Variants in PLCB3 observed in about 807,000 individuals in gnomAD.
PLCB3 encodes phospholipase C beta 3, also known as 1-phosphatidylinositol 4,5-bisphosphate phosphodiesterase beta-3.
In PLCB3, 54 loss-of-function variants were observed where a neutral mutation model predicts 152.1. The observed-to-expected ratio is 0.36, with a 90% CI of 0.29 to 0.45. The LOEUF (loss-of-function observed/expected upper bound fraction) is 0.45. Among genes scored for constraint, PLCB3 ranks in the 20% least tolerant of loss-of-function variants. The pLI, the probability that PLCB3 is intolerant of heterozygous loss-of-function variation, is 1.00. For missense variants in PLCB3, 1,248 were observed against 1,687.5 expected (o/e 0.74, Z 4.56); for synonymous variants, 717 against 698.7 (o/e 1.03, Z -0.41).
rs752898556 is a variant in PLCB3 at position 64,264,946 on chromosome 11, T to C, written c.2653-5T>C. On this transcript the variant is annotated splice_polypyrimidine_tract_variant and splice_region_variant and intron_variant, in intron 22 of 30. Transcript: ENST00000279230. Reference sequence around the variant, plus strand: ...TGAAAAGAGCATTCTCCTTTCTCCCTATAGGCTCAGGCTGGCCAAGAGACG... The same window carrying C: ...TGAAAAGAGCATTCTCCTTTCTCCCCATAGGCTCAGGCTGGCCAAGAGACG... 1 of 1,613,106 alleles carries C rather than the reference T, an allele frequency of 6.2e-7. No homozygotes were observed. The highest frequency in any genetic ancestry group is 2.2e-5 in the East Asian group (1 of 44,876).
In PLCB3 at chr11:64,254,974, C is replaced by A; in HGVS notation, c.323C>A (p.Ser108Tyr). 1 of 1,596,906 alleles carries A rather than the reference C, an allele frequency of 6.3e-7. No homozygotes were observed. The highest frequency in any genetic ancestry group is 1.7e-5 in the Admixed American group (1 of 58,812). Residue 108 changes from serine (S) to tyrosine (Y), a missense_variant, in exon 4 of 31, where the codon TCT (serine) becomes TAT (tyrosine). Ser to Tyr is a moderately radical substitution (Grantham distance 144, BLOSUM62 -2). Around this residue, in one of 6 missense-constraint regions of PLCB3, gnomAD observed 299 missense variants for 434.7 expected, o/e 0.69. Transcript: ENST00000279230. ...GAGGAGAAGCTGATGACGGTGGTGTCTGGGCCAGACCCAGTGAACACAGTG... is the reference window on the plus strand; with the variant it reads ...GAGGAGAAGCTGATGACGGTGGTGTATGGGCCAGACCCAGTGAACACAGTG... ...RLEEKLMTVV[S>Y]GPDPVNTVFL...
intron 25 of PLCB3, 128 bp downstream of exon 25, chr11:64,265,630 T>C: frequency 3.5e-6 from 5 of 1,415,982 alleles, no homozygotes; most frequent in South Asian, 1.5e-5. Flanking sequence ...AGTGCAAGGA[T>C]GGAGGAGGCT....
chr11:64,262,626 C>A, intron 18 of PLCB3, 21 bp from the exon 19 acceptor site: 1 of 1,613,116 alleles, frequency 6.2e-7, no homozygotes, highest in Non-Finnish European at 8.5e-7. Flanking sequence ...ATCCGCCTCA[C>A]CCTCCTTGGC....
chr11:64,259,300 T>A, intron 13 of PLCB3, 56 bp downstream of exon 13: 1 of 1,344,570 alleles, frequency 7.4e-7, no homozygotes, highest in Non-Finnish European at 9.9e-7. Flanking sequence ...GGCCTCATGC[T>A]CCAGGCGCCG....
intron 25 of PLCB3, 63 bp downstream of exon 25, chr11:64,265,565 G>C (rs550651814): frequency 6.6e-7 from 1 of 1,513,738 alleles, no homozygotes; most frequent in South Asian, 1.2e-5. Flanking sequence ...CATGGGGGTC[G>C]GTGGGCATGG....
Position 64,267,723 on chromosome 11 carries a change from C to T in PLCB3, c.*167C>T, listed in dbSNP as rs2032200271. 63 of 616,326 alleles carry T rather than the reference C, an allele frequency of 1.0e-4. No individual in the cohort carries two copies. In the South Asian group the frequency reaches 1.2e-3, roughly 12 times the overall value. 38.2% of individuals were successfully genotyped at this position (616,326 alleles called of 1,614,324 possible). ...TAACTCCCTTCATCCTCCTGGGGCCCCTCCTTCCTGCCCTCAGTCTTAGGT... is the reference window on the plus strand; with the variant it reads ...TAACTCCCTTCATCCTCCTGGGGCCTCTCCTTCCTGCCCTCAGTCTTAGGT... On this transcript the variant is annotated 3_prime_UTR_variant, in exon 31 of 31. Coordinates refer to ENST00000279230, the MANE Select transcript of PLCB3 (RefSeq NM_000932.5). The surrounding 1 kb of genome is among the most constrained non-coding windows in gnomAD (Gnocchi z 5.2).
rs773026851 is a variant in PLCB3, at chr11:64,255,382, A to AT, written c.468-13dup. 2 of 1,614,092 alleles carry AT rather than the reference A, an allele frequency of 1.2e-6. No individual in the cohort carries two copies. The highest frequency in any genetic ancestry group is 1.3e-5 in the African/African-American group (1 of 75,052). On this transcript the variant is annotated splice_polypyrimidine_tract_variant and intron_variant, in intron 5 of 30. Coordinates refer to ENST00000279230, the MANE Select transcript of PLCB3 (RefSeq NM_000932.5). This position sits in a 1 kb window ranked among gnomAD's most constrained non-coding sequence, Gnocchi z 6.8. ...GCCGTTTTCAGGGTGTGACCTCTTC[A>AT]TCTGCCTTCCCAGATACACGAAGCT...
Position 64,255,631 on chromosome 11 carries a change from G to GGGGGGGA in PLCB3, c.597+15_597+16insGGGGGGA. On this transcript the variant is annotated intron_variant, in intron 7 of 30. Coordinates refer to ENST00000279230, the MANE Select transcript of PLCB3 (RefSeq NM_000932.5). This position sits in a 1 kb window ranked among gnomAD's most constrained non-coding sequence, Gnocchi z 6.8. ...AATTCAACCGGGTGTGTGGGGTGGG[G>GGGGGGGA]ACAGGGGCGGGGTGGGGTGTCACGG... The GGGGGGGA allele has an allele frequency of 1.7e-6, 1 of 604,058 alleles. No homozygotes were observed. Among genetic ancestry groups the GGGGGGGA allele is most frequent in the South Asian group, 1.4e-5 (1 of 72,232 alleles). 37.4% of individuals were successfully genotyped at this position (604,058 alleles called of 1,614,324 possible). A position where few individuals can be genotyped will look rare whatever the true frequency, so the allele number is the denominator to read the frequency against.
At chr11:64,268,900 C>G (rs2032281228), downstream of PLCB3, 2 of 152,372 alleles carry the variant, frequency 1.3e-5, no homozygotes, top group African/African-American at 4.8e-5. Flanking sequence ...GAAACAGGCT[C>G]CGGAGTAGGG....
At position 64,261,911 on chromosome 11, in the gene PLCB3, T is replaced by G. The variant is rs780008961; in HGVS notation, c.1914-41T>G. On this transcript the variant is annotated intron_variant, in intron 16 of 30. Transcript: ENST00000279230. ...AGGCCGGAGGTGGAGGCTGATGGGGTGGGCCCTGGCACCTGTGTGGCCCCT... is the reference window on the plus strand; with the variant it reads ...AGGCCGGAGGTGGAGGCTGATGGGGGGGGCCCTGGCACCTGTGTGGCCCCT... The G allele has an allele frequency of 1.2e-5, 19 of 1,611,736 alleles. No homozygotes were observed. In the Admixed American group the frequency reaches 3.2e-4, roughly 27 times the overall value.
At chr11:64,262,925 G>T in intron 19 of PLCB3, 117 bp downstream of exon 19, 1 of 1,104,476 alleles carries the variant, frequency 9.1e-7, no homozygotes. Context: ...TCAGAAAGTG[G>T]GGGGTGCCAT....
rs1228074362 is a variant in PLCB3, at chr11:64,267,464, G to A, written c.3613G>A (p.Val1205Met). Residue 1205 changes from valine (V) to methionine (M), a missense_variant, in exon 31 of 31, where the codon GTG becomes ATG. Val to Met is a conservative substitution (Grantham distance 21). Around this residue, in one of 6 missense-constraint regions of PLCB3, gnomAD observed 477 missense variants for 489.6 expected, o/e 0.97. Coordinates refer to ENST00000279230, the MANE Select transcript of PLCB3 (RefSeq NM_000932.5). This position sits in a 1 kb window ranked among gnomAD's most constrained non-coding sequence, Gnocchi z 5.2. ...GGAGGGGCTGGGGGACGGGCCTCTG[G>A]TGGCCTGTGCCAGCAACGGTCACGC... Reference protein sequence around the residue: ...MPEGLGDGPLVACASNGHAPG... With the variant: ...MPEGLGDGPLMACASNGHAPG... The A allele has an allele frequency of 1.9e-6, 3 of 1,560,718 alleles. No individual in the cohort carries two copies. The highest frequency in any genetic ancestry group is 1.9e-5 in the Admixed American group (1 of 53,266).
Position 64,262,403 on chromosome 11 carries a change from C to G in PLCB3, c.2039-4C>G. 1 of 1,611,050 alleles carries G rather than the reference C, an allele frequency of 6.2e-7. No individual in the cohort carries two copies. Among genetic ancestry groups the G allele is most frequent in the South Asian group, 1.1e-5 (1 of 91,058 alleles). ...CCCTGCTCGACGTGCCCGTGGCACCCCAGATGTGGCGATGCAGCTCAACGC... is the reference window on the plus strand; with the variant it reads ...CCCTGCTCGACGTGCCCGTGGCACCGCAGATGTGGCGATGCAGCTCAACGC... On this transcript the variant is annotated splice_polypyrimidine_tract_variant and splice_region_variant and intron_variant, in intron 17 of 30. Coordinates refer to ENST00000279230, the MANE Select transcript of PLCB3 (RefSeq NM_000932.5).
chr11:64,266,302 C>T lies in PLCB3; in HGVS notation c.3267-13C>T. On this transcript the variant is annotated splice_polypyrimidine_tract_variant and intron_variant, in intron 27 of 30. Transcript: ENST00000279230. The surrounding 1 kb of genome is among the most constrained non-coding windows in gnomAD (Gnocchi z 4.9). ...GCCGCTGACCCCTCCTCTTCCCCTG[C>T]CGGCTTCTCCAGGGAGAAGAAGGAG... 6.2e-7 allele frequency: 1 copy of T among 1,613,438 alleles called. No homozygotes were observed. The highest frequency in any genetic ancestry group is 8.5e-7 in the Non-Finnish European group (1 of 1,179,882).
In PLCB3 at chr11:64,262,027, C is replaced by T. The variant is rs148254002; in HGVS notation, c.1989C>T (p.Leu663=). The change falls in exon 17 of 31, where the codon CTC becomes CTT. Residue 663 remains leucine, a synonymous_variant. Transcript: ENST00000279230. ...ACTCCTCCAACTACATGCCCCAGCT[C>T]TTCTGGAACGTAGGGTGCCAGCTTG... ...RVDSSNYMPQ[L]FWNVGCQLVA... 33 of 1,614,214 alleles carry T rather than the reference C, an allele frequency of 2.0e-5. No homozygotes were observed. In the African/African-American group the frequency reaches 4.0e-4, roughly 20 times the overall value.
At chr11:64,256,978 C>T (rs950119875) in intron 10 of PLCB3, among the ~76,000 whole-genome samples, 4 of 138,008 alleles carry the variant, frequency 2.9e-5, no homozygotes, top group African/African-American at 1.1e-4. Context: ...GGGCCTGCAG[C>T]AGGAGAGACT....
chr11:64,267,446 C>T lies in PLCB3; in HGVS notation c.3595C>T (p.Leu1199=), dbSNP rs372053350. ...RSLLGEMPEG[L]GDGPLVACAS... Reference sequence around the variant, plus strand: ...CCTGCTGGGCGAGATGCCGGAGGGGCTGGGGGACGGGCCTCTGGTGGCCTG... The same window carrying T: ...CCTGCTGGGCGAGATGCCGGAGGGGTTGGGGGACGGGCCTCTGGTGGCCTG... The change falls in exon 31 of 31, where the codon CTG becomes TTG. Residue 1199 remains leucine (L), a synonymous_variant. Transcript: ENST00000279230. The surrounding 1 kb of genome is among the most constrained non-coding windows in gnomAD (Gnocchi z 5.2). 3.9e-6 allele frequency: 6 copies of T among 1,552,502 alleles called. No individual in the cohort carries two copies. In the African/African-American group the frequency reaches 6.8e-5, roughly 18 times the overall value.
In PLCB3 at chr11:64,259,053, C is replaced by T. The variant is rs754878252; in HGVS notation, c.1339-5C>T. Reference sequence around the variant, plus strand: ...CAGGGCCCTGACTCGTCCATGCCTGCCCAGCTGGCCCCAGGCGTTCCCCTG... The same window carrying T: ...CAGGGCCCTGACTCGTCCATGCCTGTCCAGCTGGCCCCAGGCGTTCCCCTG... On this transcript the variant is annotated splice_polypyrimidine_tract_variant and splice_region_variant and intron_variant, in intron 12 of 30. Coordinates refer to ENST00000279230, the MANE Select transcript of PLCB3 (RefSeq NM_000932.5). 3 of 1,611,492 alleles carry T rather than the reference C, an allele frequency of 1.9e-6. No homozygotes were observed. The South Asian group carries it at 3.3e-5, about 18-fold the overall frequency.
At position 64,266,402 on chromosome 11, in the gene PLCB3, G is replaced by A; in HGVS notation, c.3354G>A (p.Glu1118=). The change falls in exon 28 of 31, where the codon GAG becomes GAA. Residue 1118 remains glutamate, a splice_region_variant and synonymous_variant. Transcript: ENST00000279230. The surrounding 1 kb of genome is among the most constrained non-coding windows in gnomAD (Gnocchi z 4.9). ...EAKMRDKHKK[E]AELTEINRRH... ...AGATGAGGGACAAGCATAAGAAGGA[G>A]GCGTAAGGGCACCGGGACCGGGGGC... 2 of 1,605,034 alleles carry A rather than the reference G, an allele frequency of 1.2e-6. No homozygotes were observed. Among genetic ancestry groups the A allele is most frequent in the African/African-American group, 1.3e-5 (1 of 74,706 alleles).
Sources: gnomAD v4.1 joint callset for allele counts (sites outside exome capture counted in the v4.1 genomes callset) on GRCh38, gnomAD v4.1.1 for gene constraint, gnomAD v4.1.1 regional missense constraint, Gnocchi (gnomAD v3.1) non-coding constraint, MANE v1.5 for transcripts, NCBI Gene and HGNC (gene_info 2026-07-23, HGNC 2026-07-21) for gene names.